COL27A1: variants seen among roughly 807,000 people sequenced by gnomAD.
COL27A1 encodes collagen alpha-1(XXVII) chain.
Under a neutral mutation model 251.3 loss-of-function variants are expected in COL27A1, and 106 were observed. That is an observed-to-expected ratio of 0.42 (90% CI 0.36 to 0.50). The LOEUF (loss-of-function observed/expected upper bound fraction) is 0.50. Ranked by LOEUF, COL27A1 falls within the 20% of genes least tolerant of loss-of-function variation. The probability of loss-of-function intolerance (pLI) is 0.00; values close to 1 mark genes in which losing one functional copy is unlikely to be tolerated. For missense variants in COL27A1, 2,325 were observed against 2,522.8 expected (o/e 0.92, Z 1.68); for synonymous variants, 1,000 against 986.3 (o/e 1.01, Z -0.26).
chr9:114,201,790 G>C (rs985988213), intron 7 of COL27A1, among the ~76,000 whole-genome samples: 2 of 152,206 alleles, frequency 1.3e-5, no homozygotes, highest in Non-Finnish European at 2.9e-5. Context: ...ATGATGTGAA[G>C]CTTTCATCCC....
intron 31 of COL27A1, 22 bp from the exon 32 acceptor site, chr9:114,265,400 C>A: frequency 6.2e-7 from 1 of 1,611,996 alleles, no homozygotes; most frequent in Non-Finnish European, 8.5e-7. Context: ...GGCCTAAGGT[C>A]ACCTTTACCT....
chr9:114,309,214 G>C (rs374420759), intron 59 of COL27A1, 46 bp from the exon 60 acceptor site: 73 of 1,551,202 alleles, frequency 4.7e-5, no homozygotes, highest in Non-Finnish European at 5.8e-5. Flanking sequence ...GGTGTGGGGG[G>C]TGTGGGGGGC....
At position 114,173,630 on chromosome 9, in the gene COL27A1, C is replaced by T. The variant is rs1849478778; in HGVS notation, c.1908+4167C>T. Among the ~76,000 whole-genome samples, 3 of 152,022 alleles carry T rather than the reference C, an allele frequency of 2.0e-5. No individual in the cohort carries two copies. In the South Asian group the frequency reaches 6.2e-4, roughly 32 times the overall value. ...ACTTAACCTCTCTAAGCCTCAGTTT[C>T]TGCCTCTATAAAATGGGGATACGGT... On this transcript the variant is annotated intron_variant, in intron 3 of 60. Coordinates refer to ENST00000356083, the MANE Select transcript of COL27A1 (RefSeq NM_032888.4).
Position 114,183,437 on chromosome 9 carries a change from G to A in COL27A1, c.2016+362G>A, listed in dbSNP as rs564851232. The stretch of plus-strand genomic sequence containing the variant: ...CTGGGGAGGGATGTGGAAAGATGAC[G>A]TTTTAGAAAGCTCACTGGATGCCCT... On this transcript the variant is annotated intron_variant, in intron 5 of 60. Coordinates refer to ENST00000356083, the MANE Select transcript of COL27A1 (RefSeq NM_032888.4). Among the ~76,000 whole-genome samples the A allele has an allele frequency of 4.6e-3, 695 of 152,312 alleles. 3 individuals are homozygous for A. Among genetic ancestry groups the A allele is most frequent in the Admixed American group, 7.2e-3 (110 of 15,300 alleles).
chr9:114,192,017 C>T (rs1219624922), intron 5 of COL27A1, among the ~76,000 whole-genome samples: 1 of 152,196 alleles, frequency 6.6e-6, no homozygotes, highest in Non-Finnish European at 1.5e-5. Context: ...TTCTGTTCAA[C>T]TTGAGATTTG....
chr9:114,242,357 G>A (rs576770611), intron 22 of COL27A1, 126 bp downstream of exon 22: 41 of 752,922 alleles, frequency 5.4e-5, no homozygotes, highest in Admixed American at 3.9e-4. Flanking sequence ...CAGCCAGAGA[G>A]AGAACTAGGA....
Position 114,269,241 on chromosome 9 carries a change from G to A in COL27A1, c.3502G>A (p.Gly1168Ser). Residue 1168 changes from glycine (G) to serine (S), a missense_variant and splice_region_variant, in exon 35 of 61, where the codon GGT (glycine) becomes AGT (serine). By Grantham distance (56) the Gly-to-Ser change is moderately conservative. This residue lies in a region of COL27A1 where 662 missense variants were observed against 795.3 expected (regional missense o/e 0.83). Transcript: ENST00000356083. ...AGGACTTTTGTTCGGCTTCTCCTAG[G>A]GTGACCTTGGACCCCTGGGCACTCC... Reference protein sequence around the residue: ...PGLPGEAGMKGDLGPLGTPGE... With the variant: ...PGLPGEAGMKSDLGPLGTPGE... 6.2e-7 allele frequency: 1 copy of A among 1,601,068 alleles called. No homozygotes were observed. The highest frequency in any genetic ancestry group is 8.5e-7 in the Non-Finnish European group (1 of 1,172,986).
At chr9:114,221,010 A>AG (rs1196056052) in intron 13 of COL27A1, among the ~76,000 whole-genome samples, 16 of 151,576 alleles carry the variant, frequency 1.1e-4, no homozygotes, top group Admixed American at 6.6e-5. Context: ...AAAAAAAAAA[A>AG]AAGAAGCCGT....
At chr9:114,295,354 C>G (rs1451415288) in intron 49 of COL27A1, among the ~76,000 whole-genome samples, 1 of 152,164 alleles carries the variant, frequency 6.6e-6, no homozygotes, top group Non-Finnish European at 1.5e-5. Context: ...ATTAAGATGT[C>G]AAATTTCTTC....
chr9:114,167,699 C>T lies in COL27A1; in HGVS notation c.144C>T (p.Ile48=), dbSNP rs747870284. The part of the protein sequence containing the change: ...STQGAPEDVD[I]LQRLGLSWTK... ...TTCCCTCCCTCTCAGATGTGGACATCCTCCAGCGGCTGGGCCTCAGCTGGA... is the reference window on the plus strand; with the variant it reads ...TTCCCTCCCTCTCAGATGTGGACATTCTCCAGCGGCTGGGCCTCAGCTGGA... Residue 48 remains isoleucine (I), a synonymous_variant, in exon 3 of 61, where the codon ATC becomes ATT. Coordinates refer to ENST00000356083, the MANE Select transcript of COL27A1 (RefSeq NM_032888.4). 9 of 1,610,568 alleles carry T rather than the reference C, an allele frequency of 5.6e-6. No homozygotes were observed. The East Asian group carries it at 1.8e-4, about 32-fold the overall frequency.
chr9:114,170,558 G>A (rs1849239209), intron 3 of COL27A1, among the ~76,000 whole-genome samples: 1 of 152,162 alleles, frequency 6.6e-6, no homozygotes, highest in Non-Finnish European at 1.5e-5. Context: ...GAATTCCCAG[G>A]CCTTCCAAAC....
chr9:114,220,094 A>T (rs896299756), intron 13 of COL27A1, among the ~76,000 whole-genome samples: 1 of 152,008 alleles, frequency 6.6e-6, no homozygotes, highest in African/African-American at 2.4e-5. Context: ...TCCAGGCTGC[A>T]CCCCATTTCC....
chr9:114,306,471 G>A, intron 57 of COL27A1, 49 bp from the exon 58 acceptor site: 1 of 1,598,024 alleles, frequency 6.3e-7, no homozygotes, highest in Non-Finnish European at 8.5e-7. Flanking sequence ...TGAACCCCAG[G>A]CTGGACCAGG....
At chr9:114,253,166 A>G (rs554393151) in intron 27 of COL27A1, among the ~76,000 whole-genome samples, 1 of 152,330 alleles carries the variant, frequency 6.6e-6, no homozygotes, top group East Asian at 1.9e-4. Context: ...AGGCTGAGGC[A>G]TGAGAATCGC....
At position 114,168,331 on chromosome 9, in the gene COL27A1, C is replaced by T. The variant is rs1849052913; in HGVS notation, c.776C>T (p.Thr259Ile). The T allele has an allele frequency of 1.9e-6, 3 of 1,613,238 alleles. No homozygotes were observed. Among genetic ancestry groups the T allele is most frequent in the Non-Finnish European group, 2.5e-6 (3 of 1,180,020 alleles). Residue 259 changes from threonine (T) to isoleucine (I), a missense_variant, in exon 3 of 61, where the codon ACC (threonine) becomes ATC (isoleucine). This residue lies in a region of COL27A1 where 1,183 missense variants were observed against 1,144.1 expected (regional missense o/e 1.03). Transcript: ENST00000356083. ...TCCCAAGACTCTGGCAGACCTTTTA[C>T]CTTCCAGTCCGACCTCGCCCTGCTA... Reference protein sequence around the residue: ...LFSQDSGRPFTFQSDLALLGL... With the variant: ...LFSQDSGRPFIFQSDLALLGL...
chr9:114,307,878 T>C, intron 59 of COL27A1, 100 bp downstream of exon 59: 2 of 755,200 alleles, frequency 2.6e-6, no homozygotes, highest in Admixed American at 2.6e-5. Context: ...GCTGTGCCTG[T>C]CTTACTGCAT....
At chr9:114,212,270 C>T (rs938857339) in intron 12 of COL27A1, among the ~76,000 whole-genome samples, 8 of 152,198 alleles carry the variant, frequency 5.3e-5, no homozygotes, top group Admixed American at 4.6e-4. Flanking sequence ...TCTGAGAGGG[C>T]TGGGCTGGCA....
chr9:114,237,080 C>G (rs368282793), intron 18 of COL27A1, 46 bp downstream of exon 18: 28 of 1,526,210 alleles, frequency 1.8e-5, no homozygotes, highest in Non-Finnish European at 2.4e-5. Context: ...CACTCTCCAA[C>G]TGATCGTGTA....
Position 114,310,790 on chromosome 9 carries a change from GC to G in COL27A1, c.*96del. On this transcript the variant is annotated 3_prime_UTR_variant, in exon 61 of 61. Transcript: ENST00000356083. ...GGGGCAGATGGCTCCAGGAGAGGCA[GC>G]TCCCCTGCCCAAGGGTCCTTGGGCA... The G allele has an allele frequency of 7.3e-7, 1 of 1,371,604 alleles. No individual in the cohort carries two copies. Among genetic ancestry groups the G allele is most frequent in the South Asian group, 1.3e-5 (1 of 77,522 alleles). The allele number at this position is 1,371,604 out of a possible 1,614,324, so 85.0% of individuals were successfully genotyped here.
Sources: gnomAD v4.1 joint callset for allele counts (sites outside exome capture counted in the v4.1 genomes callset) on GRCh38, gnomAD v4.1.1 for gene constraint, gnomAD v4.1.1 regional missense constraint, MANE v1.5 for transcripts, NCBI Gene and HGNC (gene_info 2026-07-23, HGNC 2026-07-21) for gene names.